The following SASH1 variants were observed in gnomAD, a reference collection of about 807,000 sequenced individuals.
SASH1 encodes the protein SAM and SH3 domain-containing protein 1.
A neutral mutation model predicts 125.2 loss-of-function variants in SASH1; 44 were observed. The observed-to-expected ratio is 0.35, with a 90% CI of 0.28 to 0.45. The LOEUF is 0.45. Ranked by LOEUF, SASH1 falls within the 20% of genes least tolerant of loss-of-function variation. The pLI is 1.00. For synonymous variants in SASH1, 639 were observed against 649.1 expected, an observed-to-expected ratio of 0.98 and a Z score of 0.24; for missense variants, 1,426 against 1,614.5, an observed-to-expected ratio of 0.88 and a Z score of 2.00.
rs1781661051 is a variant in SASH1, at chr6:148,533,703, G to T, written c.1735-68G>T. 1 of 1,449,284 alleles carries T rather than the reference G, an allele frequency of 6.9e-7. No homozygotes were observed. Among genetic ancestry groups the T allele is most frequent in the South Asian group, 1.2e-5 (1 of 82,954 alleles). 89.8% of individuals were successfully genotyped at this position (1,449,284 alleles called of 1,614,324 possible). A position where few individuals can be genotyped will look rare whatever the true frequency, so the allele number is the denominator to read the frequency against. On this transcript the variant is annotated intron_variant, in intron 14 of 19. Coordinates refer to ENST00000367467, the MANE Select transcript of SASH1 (RefSeq NM_015278.5). This position sits in a 1 kb window ranked among gnomAD's most constrained non-coding sequence, Gnocchi z 6.2. ...TCACTTCTGCATGACCTGTGTATCT[G>T]ACAGATTCTTGATTTGTACGTTCAT...
the SASH1 span, among the ~76,000 whole-genome samples, chr6:148,236,948 C>G: frequency 6.6e-6 from 1 of 152,174 alleles, no homozygotes; most frequent in African/African-American, 2.4e-5. Flanking sequence ...CATTCTCTCT[C>G]TCCAACTTTC....
chr6:148,489,153 A>G (rs1465198939), intron 8 of SASH1, among the ~76,000 whole-genome samples: 2 of 152,174 alleles, frequency 1.3e-5, no homozygotes, highest in African/African-American at 2.4e-5. Context: ...GTATATGATG[A>G]AATATATGGG....
chr6:148,456,546 A>G (rs1777361112), intron 4 of SASH1, among the ~76,000 whole-genome samples: 1 of 152,226 alleles, frequency 6.6e-6, no homozygotes, highest in Admixed American at 6.5e-5. Context: ...TGCCCCATTT[A>G]CAAAATACTT....
intron 1 of SASH1, among the ~76,000 whole-genome samples, chr6:148,358,091 G>C (rs575947904): frequency 1.4e-5 from 2 of 144,200 alleles, no homozygotes; most frequent in East Asian, 4.2e-4. Flanking sequence ...AAAAATTCAA[G>C]CTGCAGAGCA....
intron 7 of SASH1, among the ~76,000 whole-genome samples, chr6:148,484,137 A>G (rs184442680): frequency 6.6e-6 from 1 of 152,336 alleles, no homozygotes; most frequent in African/African-American, 2.4e-5. Context: ...TCGGTTTAAT[A>G]TAATGTAAAT....
chr6:148,207,317 T>C, the SASH1 span, among the ~76,000 whole-genome samples: 1,051 of 152,340 alleles, frequency 6.9e-3, 9 homozygotes, highest in African/African-American at 0.024. Flanking sequence ...TTTTATTTCA[T>C]TTTAAATCAT....
intron 1 of SASH1, among the ~76,000 whole-genome samples, chr6:148,358,125 C>A (rs1475807334): frequency 6.7e-6 from 1 of 148,490 alleles, no homozygotes; most frequent in Non-Finnish European, 1.5e-5. Flanking sequence ...TTAGGTTTGG[C>A]TTTAAAAAAA....
intron 1 of SASH1, among the ~76,000 whole-genome samples, chr6:148,309,069 G>A (rs1004339834): frequency 3.4e-5 from 4 of 116,960 alleles, no homozygotes; most frequent in Non-Finnish European, 6.6e-5. Flanking sequence ...GGGTGACAGA[G>A]CAAGACTCTG....
chr6:148,537,831 T>TGG (rs1554272770), intron 16 of SASH1, among the ~76,000 whole-genome samples: 1 of 132,604 alleles, frequency 7.5e-6, no homozygotes, highest in South Asian at 2.4e-4. Context: ...TGTGTGTGTG[T>TGG]GGTTGGTGAG....
chr6:148,281,237 C>T (rs6914792), intron 1 of SASH1, among the ~76,000 whole-genome samples: 4,255 of 150,746 alleles, frequency 0.028, 206 homozygotes, highest in African/African-American at 0.099. Flanking sequence ...GGATTACAGG[C>T]GTGAGCCACC....
intron 2 of SASH1, among the ~76,000 whole-genome samples, chr6:148,411,254 A>G (rs556101117): frequency 6.7e-6 from 1 of 150,234 alleles, no homozygotes; most frequent in South Asian, 2.1e-4. Context: ...AGTTCTAGTT[A>G]CATATATAAT....
chr6:148,539,606 G>C (rs1004895059), intron 16 of SASH1, among the ~76,000 whole-genome samples: 1 of 152,114 alleles, frequency 6.6e-6, no homozygotes, highest in Non-Finnish European at 1.5e-5. Context: ...CTCAGAATGA[G>C]GACATTCAGT....
chr6:148,454,583 G>A (rs906855412), intron 4 of SASH1, among the ~76,000 whole-genome samples: 2 of 152,142 alleles, frequency 1.3e-5, no homozygotes, highest in Admixed American at 1.3e-4. Flanking sequence ...AACCATAGGA[G>A]CACAGCATCT....
At chr6:148,508,536 C>G (rs1779933726) in intron 8 of SASH1, 2 of 1,035,626 alleles carry the variant, frequency 1.9e-6, no homozygotes, top group East Asian at 1.7e-4. Flanking sequence ...ACAACACTCC[C>G]TTTTTTCCTT....
chr6:148,514,877 A>G (rs887249988), intron 9 of SASH1, among the ~76,000 whole-genome samples: 6 of 152,228 alleles, frequency 3.9e-5, no homozygotes, highest in African/African-American at 1.4e-4. Flanking sequence ...ATGCCTAACA[A>G]TCAAGGCACC....
chr6:148,258,503 G>A, the SASH1 span, among the ~76,000 whole-genome samples: 1 of 152,110 alleles, frequency 6.6e-6, no homozygotes, highest in Non-Finnish European at 1.5e-5. Flanking sequence ...CCTGCCCAAA[G>A]CTGCAGAGGT....
chr6:148,420,055 G>A (rs137951282), intron 2 of SASH1, among the ~76,000 whole-genome samples: 39 of 152,248 alleles, frequency 2.6e-4, no homozygotes, highest in African/African-American at 6.3e-4. Flanking sequence ...AAGTGTGTGC[G>A]TATTGAATAA....
In SASH1 at chr6:148,376,967, G is replaced by C. The variant is rs926540130; in HGVS notation, c.157-13167G>C. Among the ~76,000 whole-genome samples the C allele has an allele frequency of 2.2e-4, 33 of 151,066 alleles. No individual in the cohort carries two copies. In the South Asian group the frequency reaches 6.9e-3, roughly 32 times the overall value. On this transcript the variant is annotated intron_variant, in intron 1 of 19. Transcript: ENST00000367467. ...GGGCGGATCACGAGGTCAGGAGATC[G>C]AGACCATCCCGGCTAAAACGGTGAA...
At chr6:148,255,962 G>C in the SASH1 span, among the ~76,000 whole-genome samples, 1 of 151,742 alleles carries the variant, frequency 6.6e-6, no homozygotes, top group Admixed American at 6.6e-5. Flanking sequence ...AAGTAGATAA[G>C]ATGTATTTAA....
Sources: allele counts gnomAD v4.1 joint callset (sites outside exome capture counted in the v4.1 genomes callset), GRCh38; gene constraint gnomAD v4.1.1; non-coding constraint Gnocchi (gnomAD v3.1); transcripts MANE v1.5; gene names NCBI Gene and HGNC (gene_info 2026-07-23, HGNC 2026-07-21).